GNA11: variants seen among roughly 807,000 people sequenced by gnomAD.
GNA11 encodes the protein guanine nucleotide-binding protein subunit alpha-11.
GNA11 carries 8 observed loss-of-function variants against 38.2 expected under a neutral mutation model. The observed-to-expected ratio is 0.21, with a 90% CI of 0.12 to 0.38. The LOEUF (loss-of-function observed/expected upper bound fraction) is 0.38. Ranked by LOEUF, GNA11 falls within the 10% of genes least tolerant of loss-of-function variation. The pLI is 1.00. For synonymous variants in GNA11, 211 were observed against 221.4 expected, an observed-to-expected ratio of 0.95 and a Z score of 0.42; for missense variants, 268 against 516.3, an observed-to-expected ratio of 0.52 and a Z score of 4.66.
At position 3,121,181 on chromosome 19, in the gene GNA11, C is replaced by T. The variant is rs76176076; in HGVS notation, c.*2C>T. On this transcript the variant is annotated 3_prime_UTR_variant, in exon 7 of 7. Coordinates refer to ENST00000078429, the MANE Select transcript of GNA11 (RefSeq NM_002067.5). Reference sequence around the variant, plus strand: ...CTCAAGGAGTACAACCTGGTCTGAGCGCCCAGGCCCAGGGAGACGGGATGG... The same window carrying T: ...CTCAAGGAGTACAACCTGGTCTGAGTGCCCAGGCCCAGGGAGACGGGATGG... The T allele has an allele frequency of 2.0e-4, 324 of 1,608,518 alleles. No individual in the cohort carries two copies. The highest frequency in any genetic ancestry group is 2.6e-4 in the Non-Finnish European group (307 of 1,176,036).
Position 3,110,623 on chromosome 19 carries a change from G to C in GNA11, c.321+290G>C, listed in dbSNP as rs533698493. Among the ~76,000 whole-genome samples the C allele has an allele frequency of 1.3e-5, 2 of 152,182 alleles. No homozygotes were observed. Among genetic ancestry groups the C allele is most frequent in the Non-Finnish European group, 2.9e-5 (2 of 68,016 alleles). On this transcript the variant is annotated intron_variant, in intron 2 of 6. Transcript: ENST00000078429. The surrounding 1 kb of genome is among the most constrained non-coding windows in gnomAD (Gnocchi z 5.4). ...GTGGGGAAGCTGAGGCCCTGGGGAAGCTGAGGCCCTGTGAGGTGAGCCACT... is the reference window on the plus strand; with the variant it reads ...GTGGGGAAGCTGAGGCCCTGGGGAACCTGAGGCCCTGTGAGGTGAGCCACT...
chr19:3,103,496 AGCCACTGCG>A (rs984720541), intron 1 of GNA11, among the ~76,000 whole-genome samples: 1 of 126,518 alleles, frequency 7.9e-6, no homozygotes, highest in Non-Finnish European at 1.6e-5. Flanking sequence ...TACAGGCGTG[AGCCACTGCG>A]CCCGGCCTTG....
intron 1 of GNA11, among the ~76,000 whole-genome samples, chr19:3,109,621 G>C (rs542332261): frequency 2.0e-5 from 3 of 152,322 alleles, no homozygotes; most frequent in African/African-American, 7.2e-5. Flanking sequence ...TGGTGCGCAG[G>C]GGGCAGTGTG....
At position 3,115,047 on chromosome 19, in the gene GNA11, T is replaced by G; in HGVS notation, c.580T>G (p.Phe194Val). The change falls in exon 4 of 7, where the codon TTC becomes GTC. Residue 194 changes from phenylalanine (F) to valine (V), a missense_variant. Transcript: ENST00000078429. ...CACCACCGGCATCATCGAGTACCCT[T>G]TCGACCTGGAGAACATCATCTTCCG... ...VPTTGIIEYP[F>V]DLENIIFRMV... The G allele has an allele frequency of 6.2e-7, 1 of 1,613,240 alleles. No individual in the cohort carries two copies. The highest frequency in any genetic ancestry group is 8.5e-7 in the Non-Finnish European group (1 of 1,179,862).
At chr19:3,103,812 C>G (rs113149541) in intron 1 of GNA11, among the ~76,000 whole-genome samples, 3,326 of 151,974 alleles carry the variant, frequency 0.022, 112 homozygotes, top group African/African-American at 0.065. Context: ...ACGCCATTCT[C>G]CTGCCTCAGC....
chr19:3,116,141 G>A (rs1913915108), intron 4 of GNA11, among the ~76,000 whole-genome samples: 1 of 152,082 alleles, frequency 6.6e-6, no homozygotes, highest in Non-Finnish European at 1.5e-5. Context: ...GCAGAGCCGG[G>A]TTCTCCCTGG....
At chr19:3,106,702 C>T (rs1012076680) in intron 1 of GNA11, among the ~76,000 whole-genome samples, 1 of 152,266 alleles carries the variant, frequency 6.6e-6, no homozygotes, top group East Asian at 1.9e-4. Flanking sequence ...CATGTACATG[C>T]ATGTGTGCGT....
intron 2 of GNA11, among the ~76,000 whole-genome samples, chr19:3,111,545 C>T (rs1460835890): frequency 1.3e-5 from 2 of 152,092 alleles, no homozygotes; most frequent in Admixed American, 6.5e-5. Context: ...GGAGGGACCG[C>T]GTATTTGCCC....
chr19:3,106,038 G>A (rs1261693833), intron 1 of GNA11, among the ~76,000 whole-genome samples: 1 of 152,206 alleles, frequency 6.6e-6, no homozygotes, highest in Admixed American at 6.5e-5. Context: ...GAAGATTTTG[G>A]AGCCAAAAGA....
At chr19:3,116,944 ACCCGTCCTCCCAG>A (rs1913940050) in intron 4 of GNA11, among the ~76,000 whole-genome samples, 1 of 151,478 alleles carries the variant, frequency 6.6e-6, no homozygotes, top group Non-Finnish European at 1.5e-5. Context: ...TGTTCTCCCC[ACCCGTCCTCCCAG>A]CTCGGCCTCC....
Position 3,119,536 on chromosome 19 carries a change from G to A in GNA11, c.889+177G>A, listed in dbSNP as rs1343741864. ...GGGAGATCTCGTATGAGGGGGGCCT[G>A]TACGGGAATGAGTTCTCCGACGCGG... is the stretch of plus-strand genomic sequence containing the variant. On this transcript the variant is annotated intron_variant, in intron 6 of 6. Transcript: ENST00000078429. The surrounding 1 kb of genome is among the most constrained non-coding windows in gnomAD (Gnocchi z 4.6). Among the ~76,000 whole-genome samples the A allele has an allele frequency of 6.7e-6, 1 of 149,790 alleles. No homozygotes were observed. The highest frequency in any genetic ancestry group is 1.5e-5 in the Non-Finnish European group (1 of 67,430).
chr19:3,095,653 C>CA (rs1913345856), intron 1 of GNA11, among the ~76,000 whole-genome samples: 1 of 152,154 alleles, frequency 6.6e-6, no homozygotes, highest in Non-Finnish European at 1.5e-5. Flanking sequence ...GGGAAAAAGA[C>CA]AGTCTTTCCT....
chr19:3,107,493 C>G (rs765022302), intron 1 of GNA11, among the ~76,000 whole-genome samples: 1 of 152,214 alleles, frequency 6.6e-6, no homozygotes, highest in Non-Finnish European at 1.5e-5. Context: ...AGCATGGGGC[C>G]TGTGCTGGGG....
intron 3 of GNA11, 38 bp from the exon 4 acceptor site, chr19:3,114,906 C>T: frequency 6.4e-7 from 1 of 1,570,396 alleles, no homozygotes; most frequent in Non-Finnish European, 8.7e-7. Context: ...CCCCCCCACC[C>T]CCGGCAGCCG....
intron 2 of GNA11, among the ~76,000 whole-genome samples, chr19:3,111,195 A>T (rs1913766812): frequency 6.6e-6 from 1 of 151,876 alleles, no homozygotes; most frequent in Non-Finnish European, 1.5e-5. Context: ...CATTCTATGC[A>T]CTTCACTTGC....
rs556957783 is a variant in GNA11, at chr19:3,100,461, A to T, written c.136+5674A>T. Among the ~76,000 whole-genome samples, 593 of 152,174 alleles carry T rather than the reference A, an allele frequency of 3.9e-3. 2 individuals are homozygous for T. The highest frequency in any genetic ancestry group is 6.9e-3 in the Non-Finnish European group (467 of 67,990). On this transcript the variant is annotated intron_variant, in intron 1 of 6. Transcript: ENST00000078429. The stretch of plus-strand genomic sequence containing the variant: ...TCATTGAGCTGTGCAGGTCTCAGAG[A>T]TGCTTGGCGAGTGACCGTCATTGGC...
At chr19:3,107,468 T>G (rs1913666184) in intron 1 of GNA11, among the ~76,000 whole-genome samples, 1 of 152,218 alleles carries the variant, frequency 6.6e-6, no homozygotes, top group Non-Finnish European at 1.5e-5. Context: ...AGGGCCCTCC[T>G]CGCCTCCTGC....
Position 3,120,917 on chromosome 19 carries a change from T to G in GNA11, c.890-72T>G. 8.6e-7 allele frequency: 1 copy of G among 1,159,952 alleles called. No homozygotes were observed. Among genetic ancestry groups the G allele is most frequent in the Non-Finnish European group, 1.2e-6 (1 of 801,246 alleles). The allele number at this position is 1,159,952 out of a possible 1,614,324, so 71.9% of individuals were successfully genotyped here. ...GCCTTACTCGCTCATCCCCTGGGAG[T>G]GACAAAGGGGCCCACGAGTCCCTTG... is the stretch of plus-strand genomic sequence containing the variant. On this transcript the variant is annotated intron_variant, in intron 6 of 6. Transcript: ENST00000078429. The surrounding 1 kb of genome is among the most constrained non-coding windows in gnomAD (Gnocchi z 5.9).
intron 1 of GNA11, among the ~76,000 whole-genome samples, chr19:3,102,627 G>A (rs953201106): frequency 2.0e-5 from 3 of 152,158 alleles, no homozygotes; most frequent in Admixed American, 6.5e-5. Flanking sequence ...TGTCCTCTCC[G>A]TGCCTCAGTT....
Sources: gnomAD v4.1 joint callset for allele counts (sites outside exome capture counted in the v4.1 genomes callset) on GRCh38, gnomAD v4.1.1 for gene constraint, Gnocchi (gnomAD v3.1) non-coding constraint, MANE v1.5 for transcripts, NCBI Gene and HGNC (gene_info 2026-07-23, HGNC 2026-07-21) for gene names.